SLC5A6: variants seen among roughly 807,000 people sequenced by gnomAD.
The protein encoded by SLC5A6 is sodium-dependent multivitamin transporter.
Under a neutral mutation model 67.9 loss-of-function variants are expected in SLC5A6, and 31 were observed. That is an observed-to-expected ratio of 0.46 (90% CI 0.34 to 0.62). The LOEUF is 0.62. Ranked by LOEUF, SLC5A6 falls within the 20% of genes least tolerant of loss-of-function variation. The pLI, the probability that SLC5A6 is intolerant of heterozygous loss-of-function variation, is 0.01. For missense variants in SLC5A6, 673 were observed against 812.8 expected, an observed-to-expected ratio of 0.83 and a Z score of 2.09; for synonymous variants, 343 against 331.0, an observed-to-expected ratio of 1.04 and a Z score of -0.39.
At chr2:27,201,197 C>G (rs1163338815) in intron 15 of SLC5A6, 84 bp from the exon 16 acceptor site, 3 of 1,083,914 alleles carry the variant, frequency 2.8e-6, no homozygotes, top group Non-Finnish European at 4.1e-6. Context: ...CCCAGAGACC[C>G]CAGCCCCCAC....
chr2:27,206,362 G>A (rs1326386807), intron 5 of SLC5A6, 121 bp downstream of exon 5: 28 of 933,880 alleles, frequency 3.0e-5, no homozygotes, highest in South Asian at 5.9e-5. Flanking sequence ...GGGCCCAAGC[G>A]GTGAATTAAT....
chr2:27,212,613 G>A, upstream of SLC5A6: 1 of 1,427,962 alleles, frequency 7.0e-7, no homozygotes, highest in Non-Finnish European at 9.1e-7. Context: ...GCCAGGTCCT[G>A]TTCCCAAGTA....
At chr2:27,209,358 T>G (rs1049552203) in intron 2 of SLC5A6, among the ~76,000 whole-genome samples, 5 of 152,228 alleles carry the variant, frequency 3.3e-5, no homozygotes, top group African/African-American at 1.2e-4. Context: ...ACACCTGCTA[T>G]GTAACCCAGC....
upstream of SLC5A6, chr2:27,212,748 G>T: frequency 1.1e-6 from 1 of 945,670 alleles, no homozygotes; most frequent in Non-Finnish European, 1.4e-6. Context: ...TCTGCCTCTT[G>T]TGTAATCTCT....
Position 27,206,488 on chromosome 2 carries a change from T to A in SLC5A6, c.506A>T (p.Asn169Ile). 2 of 1,614,116 alleles carry A rather than the reference T, an allele frequency of 1.2e-6. No individual in the cohort carries two copies. The highest frequency in any genetic ancestry group is 8.5e-7 in the Non-Finnish European group (1 of 1,179,978). The change falls in exon 5 of 17, where the codon AAT becomes ATT. Residue 169 changes from asparagine to isoleucine, a missense_variant. By Grantham distance (149) the Asn-to-Ile change is moderately radical. Coordinates refer to ENST00000310574, the MANE Select transcript of SLC5A6 (RefSeq NM_021095.4). ...VVLYAPSLALNAVTGFDLWLS... is the reference protein window; with the variant it reads ...VVLYAPSLALIAVTGFDLWLS... ...GGGGCTGTGTGACTCCTCACCTGCA[T>A]TGAGAGCCAATGACGGAGCATAGAG...
intron 6 of SLC5A6, 102 bp from the exon 7 acceptor site, chr2:27,205,606 GT>G: frequency 1.4e-6 from 2 of 1,439,534 alleles, no homozygotes; most frequent in Non-Finnish European, 1.9e-6. Flanking sequence ...GTTTTGTTTT[GT>G]TTTAGGCTTT....
At chr2:27,206,849 G>T in intron 4 of SLC5A6, 28 bp downstream of exon 4, 1 of 1,571,762 alleles carries the variant, frequency 6.4e-7, no homozygotes, top group Non-Finnish European at 8.8e-7. Context: ...CATGCCCTAG[G>T]CTCGGTTTCT....
At chr2:27,203,904 G>A (rs1673844029) in intron 9 of SLC5A6, 37 bp from the exon 10 acceptor site, 4 of 1,520,030 alleles carry the variant, frequency 2.6e-6, no homozygotes, top group Admixed American at 3.4e-5. Flanking sequence ...AGTCCTCAGA[G>A]AGGGGTCTTC....
In SLC5A6 at chr2:27,207,224, G is replaced by C. The variant is rs1377796943; in HGVS notation, c.393+34C>G. The C allele has an allele frequency of 6.2e-7, 1 of 1,605,322 alleles. No individual in the cohort carries two copies. The highest frequency in any genetic ancestry group is 8.5e-7 in the Non-Finnish European group (1 of 1,174,266). ...GTCCCTCCTCTCCACCCCAACCCGT[G>C]TCCCACGCACTTCTCCCTTCTGTCC... On this transcript the variant is annotated intron_variant, in intron 3 of 16. Transcript: ENST00000310574. This position sits in a 1 kb window ranked among gnomAD's most constrained non-coding sequence, Gnocchi z 5.5.
chr2:27,201,951 T>G, intron 13 of SLC5A6, 37 bp downstream of exon 13: 1 of 1,607,420 alleles, frequency 6.2e-7, no homozygotes, highest in Non-Finnish European at 8.5e-7. Context: ...AGGTCCATCC[T>G]GCTACACATG....
chr2:27,201,191 G>C, intron 15 of SLC5A6, 78 bp from the exon 16 acceptor site: 1 of 1,163,322 alleles, frequency 8.6e-7, no homozygotes, highest in Non-Finnish European at 1.2e-6. Flanking sequence ...TTGGCCCCCA[G>C]AGACCCCAGC....
intron 2 of SLC5A6, chr2:27,208,377 T>TA (rs1674232381): frequency 6.6e-6 from 1 of 152,288 alleles, no homozygotes; most frequent in South Asian, 2.1e-4. Context: ...CACCACTAGA[T>TA]AAGTGCTGCC....
Position 27,200,452 on chromosome 2 carries a change from T to C in SLC5A6, c.1892A>G (p.Gln631Arg). The C allele has an allele frequency of 3.1e-6, 5 of 1,612,744 alleles. No homozygotes were observed. The highest frequency in any genetic ancestry group is 2.2e-5 in the South Asian group (2 of 90,926). ...YQGSSSTCIL[Q>R]ETSL is the part of the protein sequence containing the mutation. ...GAGTCAACATCACAGGGAGGTCTCC[T>C]GGAGGATGCAGGTGGAGCTGCTCCC... is the stretch of plus-strand genomic sequence containing the variant. Residue 631 changes from glutamine to arginine, a missense_variant, in exon 17 of 17, where the codon CAG becomes CGG. Gln to Arg is a conservative substitution (Grantham distance 43). Coordinates refer to ENST00000310574, the MANE Select transcript of SLC5A6 (RefSeq NM_021095.4).
chr2:27,211,023 CAAAATA>C (rs996159724), intron 2 of SLC5A6, among the ~76,000 whole-genome samples: 44 of 151,982 alleles, frequency 2.9e-4, no homozygotes, highest in African/African-American at 6.8e-4. Context: ...GACTCCGTCT[CAAAATA>C]AAAATAAAAA....
Position 27,207,052 on chromosome 2 carries a change from C to CT in SLC5A6, c.394-111dup, listed in dbSNP as rs1674130484. On this transcript the variant is annotated intron_variant, in intron 3 of 16. Coordinates refer to ENST00000310574, the MANE Select transcript of SLC5A6 (RefSeq NM_021095.4). This position sits in a 1 kb window ranked among gnomAD's most constrained non-coding sequence, Gnocchi z 5.5. ...AGGGAATATCCAACCCATACCCACT[C>CT]TGAGTCCTACTCGGCATAGCACCCT... The CT allele has an allele frequency of 2.8e-6, 3 of 1,065,862 alleles. No individual in the cohort carries two copies. The highest frequency in any genetic ancestry group is 4.4e-6 in the Non-Finnish European group (3 of 684,130). The allele number at this position is 1,065,862 out of a possible 1,614,324, so 66.0% of individuals were successfully genotyped here.
chr2:27,202,364 C>T (rs1187675840), intron 12 of SLC5A6, among the ~76,000 whole-genome samples: 3 of 151,910 alleles, frequency 2.0e-5, no homozygotes, highest in South Asian at 4.2e-4. Flanking sequence ...TAGCCAGACA[C>T]GGTGGCACAT....
At position 27,201,649 on chromosome 2, in the gene SLC5A6, A is replaced by T; in HGVS notation, c.1544+17T>A. 1.2e-6 allele frequency: 2 copies of T among 1,611,036 alleles called. No individual in the cohort carries two copies. Among genetic ancestry groups the T allele is most frequent in the South Asian group, 2.2e-5 (2 of 90,974 alleles). On this transcript the variant is annotated intron_variant, in intron 14 of 16. Transcript: ENST00000310574. ...GAGGGCTTTGAGAAAACAAGAAGAT[A>T]GCAAGCCCTGCCTTACTTGGAGAAG...
intron 16 of SLC5A6, 129 bp from the exon 17 acceptor site, chr2:27,200,708 G>A: frequency 2.9e-6 from 2 of 699,798 alleles, no homozygotes; most frequent in Non-Finnish European, 4.6e-6. Flanking sequence ...AGAGCAGGGG[G>A]AAAAGAGGGA....
chr2:27,210,121 C>A (rs1220436749), intron 2 of SLC5A6, among the ~76,000 whole-genome samples: 1 of 152,132 alleles, frequency 6.6e-6, no homozygotes, highest in Non-Finnish European at 1.5e-5. Context: ...GAAGGAAAGT[C>A]CCAGTATGGG....
Sources: gnomAD v4.1 joint callset for allele counts (sites outside exome capture counted in the v4.1 genomes callset) on GRCh38, gnomAD v4.1.1 for gene constraint, Gnocchi (gnomAD v3.1) non-coding constraint, MANE v1.5 for transcripts, NCBI Gene and HGNC (gene_info 2026-07-23, HGNC 2026-07-21) for gene names.